Variants in STXBP6 observed in about 807,000 individuals in gnomAD.
STXBP6 encodes syntaxin binding protein 6, also known as syntaxin-binding protein 6.
Under a neutral mutation model 26.9 loss-of-function variants are expected in STXBP6, and 21 were observed. That is an observed-to-expected ratio of 0.78 (90% CI 0.55 to 1.12). The LOEUF is 1.12. STXBP6 is among the 50% of genes most tolerant of loss of function. The probability of loss-of-function intolerance (pLI) is 0.00; values close to 1 mark genes in which losing one functional copy is unlikely to be tolerated. For missense variants in STXBP6, 232 were observed against 257.9 expected (o/e 0.90, Z 0.69); for synonymous variants, 97 against 92.6 (o/e 1.05, Z -0.27).
intron 2 of STXBP6, among the ~76,000 whole-genome samples, chr14:24,924,497 A>G (rs2072092842): frequency 1.3e-5 from 2 of 152,174 alleles, no homozygotes. Context: ...AAATAGATAA[A>G]ATCTCCAATG....
chr14:25,028,566 A>G (rs2140455494), intron 1 of STXBP6, among the ~76,000 whole-genome samples: 1 of 151,924 alleles, frequency 6.6e-6, no homozygotes, highest in East Asian at 1.9e-4. Context: ...TGGTCATCCA[A>G]GAGCTCTAAT....
In STXBP6 at chr14:24,810,211, G is replaced by A. The variant is rs2067780670; in HGVS notation, c.*2498C>T. On this transcript the variant is annotated 3_prime_UTR_variant, in exon 6 of 6. Transcript: ENST00000323944. ...ATAGTATCCCAAAATTCATAGAGAA[G>A]TGCAGAAATGAAACAAATGAAATGT... The A allele has an allele frequency of 6.6e-6, 1 of 152,206 alleles. No individual in the cohort carries two copies. 9.4% of individuals were successfully genotyped at this position (152,206 alleles called of 1,614,324 possible).
chr14:24,957,420 C>T (rs2073379499), intron 2 of STXBP6, among the ~76,000 whole-genome samples: 1 of 152,180 alleles, frequency 6.6e-6, no homozygotes, highest in African/African-American at 2.4e-5. Flanking sequence ...TGTCAAGCTC[C>T]TGGGACTAGA....
intron 2 of STXBP6, among the ~76,000 whole-genome samples, chr14:24,859,544 TG>T (rs917849148): frequency 2.6e-5 from 4 of 152,148 alleles, no homozygotes; most frequent in African/African-American, 7.2e-5. Context: ...TTCATTGTTT[TG>T]TTGTTTTGGG....
chr14:24,864,730 T>C (rs2069660103), intron 2 of STXBP6, among the ~76,000 whole-genome samples: 1 of 152,150 alleles, frequency 6.6e-6, no homozygotes, highest in Non-Finnish European at 1.5e-5. Context: ...AAATCAAAGC[T>C]GTTATTACTT....
chr14:24,909,385 G>A (rs950177077), intron 2 of STXBP6, among the ~76,000 whole-genome samples: 3 of 152,224 alleles, frequency 2.0e-5, no homozygotes, highest in Non-Finnish European at 2.9e-5. Context: ...TTATTTTACA[G>A]ATGTGGGAAC....
intron 1 of STXBP6, among the ~76,000 whole-genome samples, chr14:25,001,769 A>G (rs939601386): frequency 3.9e-5 from 6 of 152,208 alleles, no homozygotes; most frequent in Admixed American, 3.9e-4. Flanking sequence ...GCCTTTTGGC[A>G]TGCCTTGTAA....
At chr14:24,886,412 T>C (rs1298122736) in intron 2 of STXBP6, among the ~76,000 whole-genome samples, 1 of 152,178 alleles carries the variant, frequency 6.6e-6, no homozygotes, top group African/African-American at 2.4e-5. Flanking sequence ...TCCAAGTTAT[T>C]ATAAAGATTA....
intron 1 of STXBP6, among the ~76,000 whole-genome samples, chr14:25,008,867 A>C (rs912464861): frequency 1.1e-4 from 17 of 152,210 alleles, no homozygotes; most frequent in African/African-American, 4.1e-4. Flanking sequence ...TAAGCTTTTA[A>C]ATCCCAAAAC....
intron 5 of STXBP6, among the ~76,000 whole-genome samples, chr14:24,813,961 C>A (rs771648110): frequency 1.3e-5 from 2 of 152,204 alleles, no homozygotes; most frequent in Non-Finnish European, 2.9e-5. Flanking sequence ...GACCTTTGGA[C>A]CAGTCCTCAT....
intron 2 of STXBP6, among the ~76,000 whole-genome samples, chr14:24,866,447 A>ATG (rs2069726075): frequency 6.6e-6 from 1 of 152,070 alleles, no homozygotes; most frequent in Non-Finnish European, 1.5e-5. Flanking sequence ...GCGTGTGTAT[A>ATG]TGTGTGTGTA....
chr14:24,903,475 C>G (rs2071283266), intron 2 of STXBP6, among the ~76,000 whole-genome samples: 1 of 152,132 alleles, frequency 6.6e-6, no homozygotes, highest in African/African-American at 2.4e-5. Context: ...CACTTAAGAA[C>G]AGTGTTCATC....
At chr14:24,985,176 A>T (rs1049030525) in intron 1 of STXBP6, among the ~76,000 whole-genome samples, 2 of 152,230 alleles carry the variant, frequency 1.3e-5, no homozygotes, top group African/African-American at 2.4e-5. Context: ...GCACAGCCTT[A>T]TTAGGATAGA....
chr14:24,837,297 T>C (rs1023344530), intron 4 of STXBP6, among the ~76,000 whole-genome samples: 1 of 152,148 alleles, frequency 6.6e-6, no homozygotes, highest in Non-Finnish European at 1.5e-5. Context: ...CAGACAACTA[T>C]TTTCATCAAA....
intron 1 of STXBP6, among the ~76,000 whole-genome samples, chr14:25,007,931 T>C (rs2074939943): frequency 6.6e-6 from 1 of 152,180 alleles, no homozygotes; most frequent in Non-Finnish European, 1.5e-5. Flanking sequence ...TCTCCAGGAC[T>C]GGACACGCTT....
intron 1 of STXBP6, among the ~76,000 whole-genome samples, chr14:25,010,910 T>C (rs2075014083): frequency 6.6e-6 from 1 of 152,198 alleles, no homozygotes; most frequent in Non-Finnish European, 1.5e-5. Flanking sequence ...CTACTTTACA[T>C]ACTGACTTTC....
chr14:24,951,420 C>T (rs2073166778), intron 2 of STXBP6, among the ~76,000 whole-genome samples: 1 of 129,570 alleles, frequency 7.7e-6, no homozygotes, highest in Non-Finnish European at 1.7e-5. Flanking sequence ...GTCATTCTAA[C>T]TGGCAAGAGA....
intron 2 of STXBP6, among the ~76,000 whole-genome samples, chr14:24,937,417 A>C (rs1264554815): frequency 3.3e-5 from 5 of 152,318 alleles, no homozygotes; most frequent in Admixed American, 3.3e-4. Flanking sequence ...GCCTTTATAT[A>C]TACTGAACAA....
chr14:24,878,608 C>A (rs1315001173), intron 2 of STXBP6: 4 of 179,462 alleles, frequency 2.2e-5, no homozygotes, highest in Non-Finnish European at 4.7e-5. Flanking sequence ...ATCTAATAAC[C>A]TTTTCTTATT....
Sources: gnomAD v4.1 joint callset for allele counts (sites outside exome capture counted in the v4.1 genomes callset) on GRCh38, gnomAD v4.1.1 for gene constraint, MANE v1.5 for transcripts, NCBI Gene and HGNC (gene_info 2026-07-23, HGNC 2026-07-21) for gene names.